The following ADAMTSL1 variants were observed in gnomAD, a reference collection of about 807,000 sequenced individuals.
ADAMTSL1 encodes ADAMTS like 1.
A neutral mutation model predicts 201.8 loss-of-function variants in ADAMTSL1; 126 were observed. That is an observed-to-expected ratio of 0.62 (90% CI 0.54 to 0.72). The LOEUF (loss-of-function observed/expected upper bound fraction) is 0.72, where lower values mean the gene tolerates loss of function less well. ADAMTSL1 is among the 30% of genes least tolerant of loss of function. The pLI, the probability that ADAMTSL1 is intolerant of heterozygous loss-of-function variation, is 0.00. For missense variants in ADAMTSL1, 2,679 were observed against 2,277.8 expected (o/e 1.18, Z -3.59); for synonymous variants, 1,121 against 903.4 (o/e 1.24, Z -4.32).
intron 2 of ADAMTSL1, among the ~76,000 whole-genome samples, chr9:18,288,713 C>T (rs535062749): frequency 2.0e-5 from 3 of 152,248 alleles, no homozygotes; most frequent in Non-Finnish European, 4.4e-5. Context: ...GCTAAAGAAG[C>T]CAGCCAGCTC....
At chr9:17,923,525 CT>C (rs1826392608) in intron 1 of ADAMTSL1, among the ~76,000 whole-genome samples, 1 of 151,910 alleles carries the variant, frequency 6.6e-6, no homozygotes, top group African/African-American at 2.4e-5. Context: ...AGATTTTGGG[CT>C]GAGACAATGG....
intron 2 of ADAMTSL1, among the ~76,000 whole-genome samples, chr9:18,198,865 T>C: frequency 7.0e-6 from 1 of 141,940 alleles, no homozygotes; most frequent in African/African-American, 2.6e-5. Context: ...AACCCAAATG[T>C]CCAACAATGA....
chr9:18,266,651 T>G (rs753614006), intron 2 of ADAMTSL1, among the ~76,000 whole-genome samples: 5 of 152,114 alleles, frequency 3.3e-5, no homozygotes, highest in African/African-American at 4.8e-5. Flanking sequence ...AGAGTCACCC[T>G]CCGGAAGGAT....
chr9:18,454,361 G>A (rs1269968821), intron 2 of ADAMTSL1, among the ~76,000 whole-genome samples: 2 of 152,062 alleles, frequency 1.3e-5, no homozygotes, highest in Admixed American at 6.6e-5. Context: ...CTAGCCGATT[G>A]GATGGTGCCC....
chr9:18,018,056 G>A (rs1305164913), intron 1 of ADAMTSL1, among the ~76,000 whole-genome samples: 1 of 151,992 alleles, frequency 6.6e-6, no homozygotes, highest in Non-Finnish European at 1.5e-5. Flanking sequence ...TGCTAAGACT[G>A]GGTTTTACAT....
intron 2 of ADAMTSL1, among the ~76,000 whole-genome samples, chr9:18,426,912 G>GA (rs1443027022): frequency 3.3e-5 from 5 of 152,190 alleles, no homozygotes; most frequent in Admixed American, 2.6e-4. Context: ...GTTCCTTAAT[G>GA]AATCTGGCTA....
chr9:18,188,646 T>A (rs1485005313), intron 2 of ADAMTSL1, among the ~76,000 whole-genome samples: 1 of 152,174 alleles, frequency 6.6e-6, no homozygotes, highest in African/African-American at 2.4e-5. Context: ...TTGACAAAGC[T>A]ACTTGAATGG....
chr9:18,432,438 A>G (rs1370081660), intron 2 of ADAMTSL1, among the ~76,000 whole-genome samples: 1 of 152,226 alleles, frequency 6.6e-6, no homozygotes, highest in Admixed American at 6.5e-5. Context: ...ATAACCAAAA[A>G]TTATCAAATG....
At chr9:17,924,577 A>T (rs1163293143) in intron 1 of ADAMTSL1, among the ~76,000 whole-genome samples, 3 of 150,154 alleles carry the variant, frequency 2.0e-5, no homozygotes, top group Non-Finnish European at 3.0e-5. Context: ...GATCTTTGAC[A>T]AACCTGAGAA....
chr9:18,447,764 AG>A (rs1820251356), intron 2 of ADAMTSL1, among the ~76,000 whole-genome samples: 1 of 152,206 alleles, frequency 6.6e-6, no homozygotes, highest in Non-Finnish European at 1.5e-5. Flanking sequence ...GAGTCTCATA[AG>A]CCTCTCTGCC....
intron 2 of ADAMTSL1, among the ~76,000 whole-genome samples, chr9:18,430,620 C>A (rs918889727): frequency 6.6e-6 from 1 of 152,192 alleles, no homozygotes; most frequent in African/African-American, 2.4e-5. Flanking sequence ...TATACTGTTT[C>A]CCTAATCCCA....
At chr9:17,968,491 C>G (rs1437964414) in intron 1 of ADAMTSL1, among the ~76,000 whole-genome samples, 1 of 152,068 alleles carries the variant, frequency 6.6e-6, no homozygotes, top group Non-Finnish European at 1.5e-5. Context: ...AAATTATAAC[C>G]CCACTATTCC....
intron 23 of ADAMTSL1, among the ~76,000 whole-genome samples, 154 bp from the exon 24 acceptor site, chr9:18,887,677 C>T (rs749704309): frequency 6.6e-6 from 1 of 152,154 alleles, no homozygotes; most frequent in Admixed American, 6.5e-5. Context: ...AAAACATCTC[C>T]TGTTTGCTCA....
At chr9:18,184,842 C>G (rs1041503346) in intron 2 of ADAMTSL1, among the ~76,000 whole-genome samples, 10 of 152,152 alleles carry the variant, frequency 6.6e-5, no homozygotes, top group African/African-American at 2.2e-4. Context: ...AGAACATGGC[C>G]AAACTCAGAA....
chr9:18,784,671 C>T (rs142847943), intron 19 of ADAMTSL1, among the ~76,000 whole-genome samples: 19 of 152,178 alleles, frequency 1.2e-4, no homozygotes, highest in African/African-American at 4.3e-4. Flanking sequence ...TATCACATCC[C>T]GTCTCCCACC....
At chr9:18,529,860 T>A (rs989253480) in intron 2 of ADAMTSL1, among the ~76,000 whole-genome samples, 1 of 152,210 alleles carries the variant, frequency 6.6e-6, no homozygotes, top group African/African-American at 2.4e-5. Context: ...ATATTAGGCA[T>A]TAGACAACTA....
chr9:18,338,405 A>G (rs1324099696), intron 2 of ADAMTSL1, among the ~76,000 whole-genome samples: 1 of 152,022 alleles, frequency 6.6e-6, no homozygotes, highest in African/African-American at 2.4e-5. Flanking sequence ...CTGCCTGCTC[A>G]GAGTCCTCAC....
chr9:18,489,688 T>C (rs1161435697), intron 1 of ADAMTSL1, among the ~76,000 whole-genome samples: 2 of 152,228 alleles, frequency 1.3e-5, no homozygotes, highest in African/African-American at 2.4e-5. Flanking sequence ...TTATTTTTCT[T>C]TTTCTAGATG....
chr9:18,877,313 A>G (rs1436149844), intron 23 of ADAMTSL1, among the ~76,000 whole-genome samples: 2 of 152,138 alleles, frequency 1.3e-5, no homozygotes, highest in African/African-American at 2.4e-5. Context: ...GTGTTTTGTC[A>G]TAATACCAGG....
Sources: gnomAD v4.1 joint callset for allele counts (sites outside exome capture counted in the v4.1 genomes callset) on GRCh38, gnomAD v4.1.1 for gene constraint, MANE v1.5 for transcripts, NCBI Gene and HGNC (gene_info 2026-07-23, HGNC 2026-07-21) for gene names.